The following RAB27B variants were observed in gnomAD, a reference collection of about 807,000 sequenced individuals.
RAB27B encodes ras-related protein Rab-27B.
Under a neutral mutation model 24.6 loss-of-function variants are expected in RAB27B, and 15 were observed. That is an observed-to-expected ratio of 0.61 (90% CI 0.41 to 0.94). RAB27B has a LOEUF of 0.94. Among genes scored for constraint, RAB27B ranks in the 40% least tolerant of loss-of-function variants. The pLI, the probability that RAB27B is intolerant of heterozygous loss-of-function variation, is 0.00. For missense variants in RAB27B, 261 were observed against 266.8 expected, an observed-to-expected ratio of 0.98 and a Z score of 0.15; for synonymous variants, 105 against 92.5, an observed-to-expected ratio of 1.14 and a Z score of -0.78.
At chr18:54,822,037 G>A (rs2145168452) in intron 2 of RAB27B, among the ~76,000 whole-genome samples, 1 of 152,278 alleles carries the variant, frequency 6.6e-6, no homozygotes, top group African/African-American at 2.4e-5. Flanking sequence ...ACAAGAGTGG[G>A]CTACCATGCC....
At chr18:54,865,245 G>T in intron 1 of RAB27B, among the ~76,000 whole-genome samples, 1 of 150,358 alleles carries the variant, frequency 6.7e-6, no homozygotes, top group African/African-American at 2.4e-5. Flanking sequence ...TTTTGTGTGT[G>T]TGTGTGTGTG....
intron 2 of RAB27B, among the ~76,000 whole-genome samples, chr18:54,787,637 C>G (rs1446395560): frequency 1.3e-5 from 2 of 151,380 alleles, no homozygotes; most frequent in African/African-American, 4.9e-5. Context: ...TAAGTAATAG[C>G]AGTAATGGCA....
upstream of RAB27B, among the ~76,000 whole-genome samples, chr18:54,827,541 C>G (rs1268010271): frequency 6.6e-6 from 1 of 152,126 alleles, no homozygotes; most frequent in Admixed American, 6.5e-5. Flanking sequence ...TTCCTTTGCT[C>G]CCTTCTACAA....
intron 2 of RAB27B, among the ~76,000 whole-genome samples, chr18:54,733,224 C>CT (rs910241209): frequency 5.9e-5 from 9 of 151,784 alleles, no homozygotes; most frequent in African/African-American, 1.9e-4. Context: ...TTTTAAAAAT[C>CT]TTTTTTAGAG....
At chr18:54,886,543 A>T (rs1029517486) in intron 4 of RAB27B, among the ~76,000 whole-genome samples, 2 of 152,116 alleles carry the variant, frequency 1.3e-5, no homozygotes, top group Non-Finnish European at 2.9e-5. Flanking sequence ...TGACTTTCAT[A>T]ATTGCTTCTC....
At chr18:54,843,800 G>A (rs1167854802) in intron 1 of RAB27B, among the ~76,000 whole-genome samples, 1 of 152,160 alleles carries the variant, frequency 6.6e-6, no homozygotes, top group Non-Finnish European at 1.5e-5. Flanking sequence ...TTTCTGAAAT[G>A]TTTCTTCAAA....
chr18:54,725,534 C>T (rs751160233), intron 2 of RAB27B, among the ~76,000 whole-genome samples: 9 of 151,378 alleles, frequency 5.9e-5, no homozygotes, highest in African/African-American at 7.3e-5. Flanking sequence ...TATAAAGAAC[C>T]GCCCAAGACT....
At chr18:54,743,704 T>C (rs371930232) in intron 2 of RAB27B, among the ~76,000 whole-genome samples, 139 of 151,890 alleles carry the variant, frequency 9.2e-4, no homozygotes, top group African/African-American at 3.2e-3. Context: ...AGGAGAGTAA[T>C]AGGAGGTGAG....
At chr18:54,887,519 T>C (rs1293761034) in intron 4 of RAB27B, among the ~76,000 whole-genome samples, 1 of 152,138 alleles carries the variant, frequency 6.6e-6, no homozygotes, top group African/African-American at 2.4e-5. Context: ...AGCACATGGA[T>C]TGAAAAGATC....
intron 1 of RAB27B, among the ~76,000 whole-genome samples, chr18:54,867,442 C>CTTTTTTTTTTTTTT (rs548288719): frequency 7.1e-5 from 7 of 98,746 alleles, no homozygotes; most frequent in African/African-American, 2.2e-4. Flanking sequence ...CTTTTCTTTT[C>CTTTTTTTTTTTTTT]TTTTTTTTTT....
intron 1 of RAB27B, among the ~76,000 whole-genome samples, chr18:54,867,538 T>C (rs1436749005): frequency 1.3e-5 from 2 of 149,416 alleles, no homozygotes; most frequent in Admixed American, 6.8e-5. Flanking sequence ...CTTCCGCCTC[T>C]TGGGTTCAAG....
chr18:54,751,707 T>A (rs1598878554), intron 2 of RAB27B, among the ~76,000 whole-genome samples: 1 of 152,158 alleles, frequency 6.6e-6, no homozygotes. Flanking sequence ...ACTAGGCAGG[T>A]AAATCTACCC....
chr18:54,787,738 A>AG (rs1909132247), intron 2 of RAB27B, among the ~76,000 whole-genome samples: 1 of 152,156 alleles, frequency 6.6e-6, no homozygotes, highest in Non-Finnish European at 1.5e-5. Flanking sequence ...TAAAAAAAAA[A>AG]AAAAACCTTC....
At chr18:54,787,427 C>T (rs149145864) in intron 2 of RAB27B, among the ~76,000 whole-genome samples, 1 of 152,084 alleles carries the variant, frequency 6.6e-6, no homozygotes, top group African/African-American at 2.4e-5. Context: ...TCTGAGTAAA[C>T]CAAAACAAGA....
At chr18:54,868,072 G>T (rs1007292059) in intron 1 of RAB27B, among the ~76,000 whole-genome samples, 1 of 152,102 alleles carries the variant, frequency 6.6e-6, no homozygotes, top group Admixed American at 6.5e-5. Context: ...CTCATGGCTT[G>T]GTGCTGTCTT....
At chr18:54,762,112 G>C (rs1314289667) in intron 2 of RAB27B, among the ~76,000 whole-genome samples, 2 of 152,194 alleles carry the variant, frequency 1.3e-5, no homozygotes, top group East Asian at 3.8e-4. Context: ...GGCAGCGTAA[G>C]ATAGATTCTC....
chr18:54,791,737 C>A (rs1165142481), intron 2 of RAB27B, among the ~76,000 whole-genome samples: 1 of 152,178 alleles, frequency 6.6e-6, no homozygotes, highest in Non-Finnish European at 1.5e-5. Context: ...GACTCACAGG[C>A]GGCCAGACGT....
At position 54,879,359 on chromosome 18, in the gene RAB27B, T is replaced by C. The variant is rs377030452; in HGVS notation, c.154-10T>C. On this transcript the variant is annotated splice_polypyrimidine_tract_variant and intron_variant, in intron 2 of 5. Transcript: ENST00000262094. Reference sequence around the variant, plus strand: ...AAGCAACCTCAACTAATGAACGTTGTATCTTTCAGGTTTATAATGCACAAG... The same window carrying C: ...AAGCAACCTCAACTAATGAACGTTGCATCTTTCAGGTTTATAATGCACAAG... 6.2e-6 allele frequency: 10 copies of C among 1,602,126 alleles called. No individual in the cohort carries two copies. The highest frequency in any genetic ancestry group is 6.8e-6 in the Non-Finnish European group (8 of 1,169,384).
chr18:54,750,667 T>G (rs1907804236), intron 2 of RAB27B, among the ~76,000 whole-genome samples: 1 of 152,202 alleles, frequency 6.6e-6, no homozygotes, highest in African/African-American at 2.4e-5. Context: ...AGGCTCTGTC[T>G]TAGTGCTGAG....
Sources: gnomAD v4.1 joint callset for allele counts (sites outside exome capture counted in the v4.1 genomes callset) on GRCh38, gnomAD v4.1.1 for gene constraint, MANE v1.5 for transcripts, NCBI Gene and HGNC (gene_info 2026-07-23, HGNC 2026-07-21) for gene names.